Variants in HDAC4 observed in about 807,000 individuals in gnomAD.
HDAC4 encodes the protein histone deacetylase 4, also known as histone deacetylase A.
A neutral mutation model predicts 135.1 loss-of-function variants in HDAC4; 16 were observed. That is an observed-to-expected ratio of 0.12 (90% confidence interval 0.08 to 0.18). The LOEUF (loss-of-function observed/expected upper bound fraction) is 0.18, where lower values mean the gene tolerates loss of function less well. HDAC4 is among the 10% of genes least tolerant of loss of function. The probability of loss-of-function intolerance (pLI) is 1.00; values close to 1 mark genes in which losing one functional copy is unlikely to be tolerated. For synonymous variants in HDAC4, 685 were observed against 653.4 expected (o/e 1.05, Z -0.74); for missense variants, 1,143 against 1,511.8 (o/e 0.76, Z 4.05).
intron 4 of HDAC4, chr2:239,186,989 C>T (rs1348054518): frequency 1.3e-5 from 2 of 152,590 alleles, no homozygotes; most frequent in Non-Finnish European, 2.9e-5. Flanking sequence ...TTTAACCTCG[C>T]TCTGCACCGA....
chr2:239,092,690 A>G (rs2152730593), intron 17 of HDAC4, among the ~76,000 whole-genome samples: 1 of 152,186 alleles, frequency 6.6e-6, no homozygotes, highest in East Asian at 1.9e-4. Flanking sequence ...CTTCAGGACC[A>G]CGGCTCCAGC....
intron 3 of HDAC4, among the ~76,000 whole-genome samples, chr2:239,224,449 C>T (rs185824845): frequency 1.1e-4 from 17 of 152,278 alleles, no homozygotes; most frequent in South Asian, 2.1e-4. Context: ...TTGATTAACC[C>T]GGCCTTTTAT....
intron 1 of HDAC4, among the ~76,000 whole-genome samples, chr2:239,353,307 G>A (rs1046735091): frequency 6.6e-6 from 1 of 152,146 alleles, no homozygotes; most frequent in Admixed American, 6.5e-5. Flanking sequence ...GAGCCACCAC[G>A]CCCCACCAAC....
At chr2:239,145,916 C>T (rs1038456563) in intron 7 of HDAC4, among the ~76,000 whole-genome samples, 8 of 152,184 alleles carry the variant, frequency 5.3e-5, no homozygotes, top group Non-Finnish European at 1.2e-4. Flanking sequence ...GGCTTCGAGT[C>T]AGGGACAGTT....
intron 1 of HDAC4, among the ~76,000 whole-genome samples, chr2:239,358,403 T>C (rs1048270031): frequency 4.6e-5 from 7 of 152,166 alleles, no homozygotes; most frequent in Non-Finnish European, 1.5e-5. Flanking sequence ...ATCCAGTCTT[T>C]TGTTTGTTTG....
Position 239,264,696 on chromosome 2 carries a change from G to T in HDAC4, c.23-28032C>A, listed in dbSNP as rs114391398. Among the ~76,000 whole-genome samples, 331 of 152,316 alleles carry T rather than the reference G, an allele frequency of 2.2e-3. 2 individuals are homozygous for T. The highest frequency in any genetic ancestry group is 7.8e-3 in the African/African-American group (324 of 41,576). On this transcript the variant is annotated intron_variant, in intron 2 of 26. Transcript: ENST00000543185. The stretch of plus-strand genomic sequence containing the variant: ...ATCAGCCTTCCTGGGTAGAAGCCAA[G>T]GTCTCTAGAAGCCCCGTCCTGTCTG...
At chr2:239,321,191 C>A (rs1051405901) in intron 2 of HDAC4, among the ~76,000 whole-genome samples, 1 of 152,126 alleles carries the variant, frequency 6.6e-6, no homozygotes, top group African/African-American at 2.4e-5. Flanking sequence ...TGCAGCCAGG[C>A]GCAGTGGCTC....
In HDAC4 at chr2:239,068,351, G is replaced by A; in HGVS notation, c.2869+138C>T. 3.0e-6 allele frequency: 2 copies of A among 676,082 alleles called. No homozygotes were observed. The highest frequency in any genetic ancestry group is 5.3e-6 in the Non-Finnish European group (2 of 380,066). 41.9% of individuals were successfully genotyped at this position (676,082 alleles called of 1,614,324 possible). A position where few individuals can be genotyped will look rare whatever the true frequency, so the allele number is the denominator to read the frequency against. ...GGCCTCCCAAATGGACTGGTTCCCA[G>A]TACGGTCAGAACCTTGGTCATTAGT... On this transcript the variant is annotated intron_variant, in intron 23 of 26. Transcript: ENST00000543185. The surrounding 1 kb of genome is among the most constrained non-coding windows in gnomAD (Gnocchi z 4.4).
chr2:239,190,809 C>T (rs999032519), intron 3 of HDAC4, among the ~76,000 whole-genome samples: 1 of 152,220 alleles, frequency 6.6e-6, no homozygotes, highest in African/African-American at 2.4e-5. Flanking sequence ...TGATGAGGAA[C>T]AGAAGCTGAA....
chr2:239,272,988 C>G (rs760802017), intron 2 of HDAC4, among the ~76,000 whole-genome samples: 25 of 152,158 alleles, frequency 1.6e-4, no homozygotes, highest in Non-Finnish European at 3.5e-4. Flanking sequence ...GGTCTGAGGG[C>G]TGAGCACAGG....
rs2030955235 is a variant in HDAC4 at position 239,052,187 on chromosome 2, T to C, written c.*910A>G. 1 of 152,442 alleles carries C rather than the reference T, an allele frequency of 6.6e-6. No homozygotes were observed. Among genetic ancestry groups the C allele is most frequent in the Admixed American group, 6.5e-5 (1 of 15,270 alleles). 9.4% of individuals were successfully genotyped at this position (152,442 alleles called of 1,614,324 possible). ...ACTTTTTTGGAACTACCTCCATTTTTCTTAAACAGCAATAAAGCAAAACAG... is the reference window on the plus strand; with the variant it reads ...ACTTTTTTGGAACTACCTCCATTTTCCTTAAACAGCAATAAAGCAAAACAG... On this transcript the variant is annotated 3_prime_UTR_variant, in exon 27 of 27. Coordinates refer to ENST00000543185, the MANE Select transcript of HDAC4 (RefSeq NM_001378414.1).
At chr2:239,062,371 G>A (rs1347248481) in intron 24 of HDAC4, among the ~76,000 whole-genome samples, 1 of 152,242 alleles carries the variant, frequency 6.6e-6, no homozygotes, top group Admixed American at 6.5e-5. Context: ...GTGCCAGATC[G>A]CCTGGCACAC....
At chr2:239,158,067 C>T (rs773950740) in intron 6 of HDAC4, among the ~76,000 whole-genome samples, 7 of 152,366 alleles carry the variant, frequency 4.6e-5, no homozygotes, top group East Asian at 1.9e-4. Context: ...GGCTGGGACA[C>T]GCCTGTCTGC....
At chr2:239,058,366 G>A (rs1031367959) in intron 24 of HDAC4, among the ~76,000 whole-genome samples, 9 of 152,352 alleles carry the variant, frequency 5.9e-5, no homozygotes. Flanking sequence ...TGAATAAGAT[G>A]CTAAGAAGGC....
At chr2:239,277,299 A>G (rs1419736532) in intron 2 of HDAC4, among the ~76,000 whole-genome samples, 1 of 152,208 alleles carries the variant, frequency 6.6e-6, no homozygotes, top group African/African-American at 2.4e-5. Flanking sequence ...CGGTCTGTCC[A>G]GTAAGGCCTT....
At chr2:239,053,414 G>A (rs1487273940) in intron 26 of HDAC4, 46 bp downstream of exon 26, 1 of 1,602,806 alleles carries the variant, frequency 6.2e-7, no homozygotes, top group Admixed American at 1.7e-5. Flanking sequence ...AGTGGGCACA[G>A]TGGGGCTGGG....
chr2:239,354,228 T>C (rs1693344650), intron 1 of HDAC4, among the ~76,000 whole-genome samples: 1 of 152,168 alleles, frequency 6.6e-6, no homozygotes, highest in African/African-American at 2.4e-5. Context: ...TAACAATACC[T>C]GGTAAGCTTC....
chr2:239,078,385 G>A (rs1247258256), intron 22 of HDAC4, among the ~76,000 whole-genome samples: 1 of 144,514 alleles, frequency 6.9e-6, no homozygotes, highest in Non-Finnish European at 1.5e-5. Flanking sequence ...GTGCTGCCTG[G>A]AAGGCATGCA....
At chr2:239,273,379 A>C (rs1014043123) in intron 2 of HDAC4, among the ~76,000 whole-genome samples, 2 of 152,238 alleles carry the variant, frequency 1.3e-5, no homozygotes, top group African/African-American at 4.8e-5. Context: ...AGTGACCTTC[A>C]GATGATGTAA....
Sources: gnomAD v4.1 joint callset for allele counts (sites outside exome capture counted in the v4.1 genomes callset) on GRCh38, gnomAD v4.1.1 for gene constraint, Gnocchi (gnomAD v3.1) non-coding constraint, MANE v1.5 for transcripts, NCBI Gene and HGNC (gene_info 2026-07-23, HGNC 2026-07-21) for gene names.